Variants in PCSK6 observed in about 807,000 individuals in gnomAD.
PCSK6 encodes the protein proprotein convertase subtilisin/kexin type 6.
A neutral mutation model predicts 123.3 loss-of-function variants in PCSK6; 85 were observed. That is an observed-to-expected ratio of 0.69 (90% confidence interval 0.58 to 0.83). PCSK6 has a LOEUF of 0.83. PCSK6 is among the 40% of genes least tolerant of loss of function. The probability of loss-of-function intolerance (pLI) is 0.00; values close to 1 mark genes in which losing one functional copy is unlikely to be tolerated. For missense variants in PCSK6, 1,191 were observed against 1,282.3 expected (o/e 0.93, Z 1.09); for synonymous variants, 508 against 516.0 (o/e 0.98, Z 0.21).
chr15:101,319,053 C>T (rs1267465679), intron 18 of PCSK6, among the ~76,000 whole-genome samples: 1 of 152,224 alleles, frequency 6.6e-6, no homozygotes, highest in Admixed American at 6.5e-5. Flanking sequence ...AGCTAGACCA[C>T]CCACGTGGAT....
intron 6 of PCSK6, among the ~76,000 whole-genome samples, chr15:101,426,089 C>A (rs2056246475): frequency 6.6e-6 from 1 of 152,192 alleles, no homozygotes; most frequent in South Asian, 2.1e-4. Context: ...GGGAGCAAGG[C>A]TCAAGCAACT....
chr15:101,437,421 G>A (rs1217330215), intron 2 of PCSK6, among the ~76,000 whole-genome samples: 1 of 152,056 alleles, frequency 6.6e-6, no homozygotes, highest in Non-Finnish European at 1.5e-5. Flanking sequence ...CAGTAGAGGA[G>A]GGGGAGGAGG....
intron 18 of PCSK6, among the ~76,000 whole-genome samples, chr15:101,319,195 C>T (rs974532684): frequency 1.3e-5 from 2 of 152,218 alleles, no homozygotes; most frequent in Non-Finnish European, 2.9e-5. Flanking sequence ...TACCCATAAA[C>T]ATTTCAGTGT....
In PCSK6 at chr15:101,327,366, G is replaced by A. The variant is rs547300383; in HGVS notation, c.2078-887C>T. On this transcript the variant is annotated intron_variant, in intron 15 of 21. Coordinates refer to ENST00000611716, the MANE Select transcript of PCSK6 (RefSeq NM_002570.5). ...AAAGGTCTACCCGTCAGGCGGGGGC[G>A]GGGCACGCTGCAGGGGTCCTCCCCA... 5.0e-4 allele frequency among the ~76,000 whole-genome samples: 76 copies of A among 152,306 alleles called. No homozygotes were observed. In the South Asian group the frequency reaches 0.015, roughly 29 times the overall value.
chr15:101,488,568 G>C (rs889491730), intron 1 of PCSK6, among the ~76,000 whole-genome samples: 16 of 152,156 alleles, frequency 1.1e-4, no homozygotes, highest in Non-Finnish European at 2.2e-4. Flanking sequence ...CGCAGCATTA[G>C]ATCTTTCCGA....
At chr15:101,444,692 C>T (rs937698307) in intron 1 of PCSK6, among the ~76,000 whole-genome samples, 1 of 152,066 alleles carries the variant, frequency 6.6e-6, no homozygotes, top group African/African-American at 2.4e-5. Flanking sequence ...ATCTCAATTC[C>T]TTATGTGTAA....
Position 101,453,127 on chromosome 15 carries a change from C to T in PCSK6, c.298-9467G>A, listed in dbSNP as rs114411958. Among the ~76,000 whole-genome samples the T allele has an allele frequency of 9.1e-3, 1,389 of 152,304 alleles. 15 individuals carry two copies. The highest frequency in any genetic ancestry group is 0.029 in the African/African-American group (1,214 of 41,558). ...CTTTCTCTAACCCCATGCTGAGAAG[C>T]GGCGACAGACTGCTTCTCAGAGCTG... On this transcript the variant is annotated intron_variant, in intron 1 of 21. Coordinates refer to ENST00000611716, the MANE Select transcript of PCSK6 (RefSeq NM_002570.5).
Position 101,353,432 on chromosome 15 carries a change from A to G in PCSK6, c.1858+12764T>C, listed in dbSNP as rs554471484. Among the ~76,000 whole-genome samples the G allele has an allele frequency of 2.0e-5, 3 of 152,190 alleles. No individual in the cohort carries two copies. In the East Asian group the frequency reaches 5.8e-4, roughly 29 times the overall value. ...CTCCTGCTGTGTAGTCTAGTCCCTAACAGTCCATGGACCATGGACCGGTAG... is the reference window on the plus strand; with the variant it reads ...CTCCTGCTGTGTAGTCTAGTCCCTAGCAGTCCATGGACCATGGACCGGTAG... On this transcript the variant is annotated intron_variant, in intron 13 of 21. Coordinates refer to ENST00000611716, the MANE Select transcript of PCSK6 (RefSeq NM_002570.5).
intron 19 of PCSK6, among the ~76,000 whole-genome samples, chr15:101,314,908 G>A (rs561182215): frequency 1.3e-5 from 2 of 152,296 alleles, no homozygotes; most frequent in South Asian, 2.1e-4. Context: ...GGCCAATGCC[G>A]CCCCTCCCCA....
chr15:101,340,273 G>C (rs545352007), intron 13 of PCSK6, among the ~76,000 whole-genome samples: 2 of 152,186 alleles, frequency 1.3e-5, no homozygotes, highest in East Asian at 3.9e-4. Context: ...GCTAAGAAAG[G>C]GGAGATACAA....
intron 6 of PCSK6, among the ~76,000 whole-genome samples, chr15:101,415,860 C>T (rs920894573): frequency 6.6e-6 from 1 of 152,202 alleles, no homozygotes; most frequent in Non-Finnish European, 1.5e-5. Flanking sequence ...AAGTGGCTTT[C>T]GCCTCCCACC....
At chr15:101,441,597 CA>C (rs1012602069) in intron 2 of PCSK6, among the ~76,000 whole-genome samples, 12 of 152,180 alleles carry the variant, frequency 7.9e-5, no homozygotes, top group African/African-American at 2.7e-4. Context: ...AGGATGTAGT[CA>C]AAACACAGAT....
At chr15:101,468,279 T>G (rs1462463053) in intron 1 of PCSK6, among the ~76,000 whole-genome samples, 1 of 152,136 alleles carries the variant, frequency 6.6e-6, no homozygotes, top group Non-Finnish European at 1.5e-5. Flanking sequence ...ATCCTTGTCA[T>G]TGTCACCATC....
At chr15:101,324,117 A>G (rs1029398993) in intron 17 of PCSK6, among the ~76,000 whole-genome samples, 2 of 152,182 alleles carry the variant, frequency 1.3e-5, no homozygotes, top group African/African-American at 2.4e-5. Flanking sequence ...CACCTCCATC[A>G]TGACTAGTTG....
chr15:101,338,233 A>T (rs1420838315), intron 13 of PCSK6, among the ~76,000 whole-genome samples: 2 of 152,184 alleles, frequency 1.3e-5, no homozygotes, highest in Non-Finnish European at 2.9e-5. Context: ...AGCTTAACTG[A>T]GGCAGGAGAG....
intron 1 of PCSK6, among the ~76,000 whole-genome samples, chr15:101,471,160 C>T (rs1374805917): frequency 6.6e-6 from 1 of 152,148 alleles, no homozygotes; most frequent in East Asian, 1.9e-4. Flanking sequence ...CCACAGTAAT[C>T]CTTTCAGATG....
At chr15:101,379,535 A>G (rs1440043537) in intron 11 of PCSK6, among the ~76,000 whole-genome samples, 3 of 152,008 alleles carry the variant, frequency 2.0e-5, no homozygotes, top group Admixed American at 6.6e-5. Flanking sequence ...GCATACACAC[A>G]CTCTGTCTTC....
intron 11 of PCSK6, among the ~76,000 whole-genome samples, chr15:101,381,437 G>A (rs1355939204): frequency 6.6e-6 from 1 of 152,148 alleles, no homozygotes; most frequent in Non-Finnish European, 1.5e-5. Flanking sequence ...GCAGTTCCGG[G>A]TGTGCCCTGC....
chr15:101,386,900 G>A (rs1208456368), intron 9 of PCSK6, among the ~76,000 whole-genome samples: 2 of 152,140 alleles, frequency 1.3e-5, no homozygotes, highest in Admixed American at 6.5e-5. Flanking sequence ...TTTCAAGGAC[G>A]CGCTACACTG....
Sources: allele counts gnomAD v4.1 joint callset (sites outside exome capture counted in the v4.1 genomes callset), GRCh38; gene constraint gnomAD v4.1.1; transcripts MANE v1.5; gene names NCBI Gene and HGNC (gene_info 2026-07-23, HGNC 2026-07-21).